HDAC9: variants seen among roughly 807,000 people sequenced by gnomAD.
HDAC9 encodes the protein histone deacetylase 9.
In HDAC9, 41 loss-of-function variants were observed where a neutral mutation model predicts 139.4. The observed-to-expected ratio is 0.29, with a 90% CI of 0.23 to 0.38. The LOEUF (loss-of-function observed/expected upper bound fraction) is 0.38, where lower values mean the gene tolerates loss of function less well. Ranked by LOEUF, HDAC9 falls within the 10% of genes least tolerant of loss-of-function variation. The probability of loss-of-function intolerance (pLI) is 1.00; values close to 1 mark genes in which losing one functional copy is unlikely to be tolerated. For missense variants in HDAC9, 1,147 were observed against 1,297.0 expected (o/e 0.88, Z 1.78); for synonymous variants, 517 against 476.2 (o/e 1.09, Z -1.12).
chr7:18,310,053 G>A (rs1160632194), intron 1 of HDAC9, among the ~76,000 whole-genome samples: 5 of 151,298 alleles, frequency 3.3e-5, no homozygotes, highest in South Asian at 2.1e-4. Context: ...TTTTTAACTC[G>A]TGTTCCTGAT....
At chr7:18,276,414 G>T (rs1446656676) in intron 2 of HDAC9, among the ~76,000 whole-genome samples, 1 of 152,208 alleles carries the variant, frequency 6.6e-6, no homozygotes, top group East Asian at 1.9e-4. Flanking sequence ...AAATACTTCA[G>T]AATGTCTTGC....
chr7:18,545,933 T>A (rs1033831933), intron 2 of HDAC9, among the ~76,000 whole-genome samples: 3 of 152,212 alleles, frequency 2.0e-5, no homozygotes, highest in Non-Finnish European at 4.4e-5. Flanking sequence ...CCTGTGAATC[T>A]CTAGACTAAA....
At chr7:18,447,456 T>C (rs1792399247) in intron 1 of HDAC9, among the ~76,000 whole-genome samples, 1 of 152,208 alleles carries the variant, frequency 6.6e-6, no homozygotes, top group East Asian at 1.9e-4. Context: ...CTAGTTTTAT[T>C]ATATTGTTGT....
At chr7:18,954,451 T>A (rs2129324634) in intron 24 of HDAC9, 2 of 444,438 alleles carry the variant, frequency 4.5e-6, no homozygotes, top group East Asian at 4.1e-5. Context: ...TTCTCATGTA[T>A]TTCAGGTATT....
At chr7:18,589,787 T>C (rs537224433) in intron 3 of HDAC9, among the ~76,000 whole-genome samples, 1 of 152,338 alleles carries the variant, frequency 6.6e-6, no homozygotes, top group East Asian at 1.9e-4. Context: ...ATTATGAATA[T>C]ATACATTGCA....
At chr7:18,656,576 C>G (rs926341750) in intron 11 of HDAC9, among the ~76,000 whole-genome samples, 5 of 152,164 alleles carry the variant, frequency 3.3e-5, no homozygotes, top group East Asian at 1.9e-4. Context: ...GATATTCAAC[C>G]TTTTTGTTTA....
chr7:18,179,036 A>G (rs934859949), intron 2 of HDAC9, among the ~76,000 whole-genome samples: 6 of 152,198 alleles, frequency 3.9e-5, no homozygotes, highest in Non-Finnish European at 8.8e-5. Context: ...TTTAATGGAG[A>G]ACAAGATCTC....
chr7:18,601,157 T>C (rs998124567), intron 6 of HDAC9, among the ~76,000 whole-genome samples: 1 of 152,196 alleles, frequency 6.6e-6, no homozygotes, highest in African/African-American at 2.4e-5. Context: ...TTCATCAAAG[T>C]TTTCTAGTTT....
intron 13 of HDAC9, among the ~76,000 whole-genome samples, chr7:18,729,044 T>C (rs1342115333): frequency 6.6e-6 from 1 of 152,144 alleles, no homozygotes; most frequent in Non-Finnish European, 1.5e-5. Context: ...TGGCAGCCTT[T>C]TGAATCAATC....
intron 7 of HDAC9, among the ~76,000 whole-genome samples, chr7:18,632,164 T>C (rs560154462): frequency 4.9e-4 from 75 of 152,104 alleles, no homozygotes; most frequent in South Asian, 1.0e-3. Context: ...AATTTTTAAA[T>C]TCTACATTTC....
chr7:18,914,133 A>G (rs549830205), intron 22 of HDAC9, among the ~76,000 whole-genome samples: 1 of 151,710 alleles, frequency 6.6e-6, no homozygotes, highest in South Asian at 2.1e-4. Context: ...CTCTCACACC[A>G]TGTGAGGACG....
chr7:18,261,396 A>G (rs932691112), intron 2 of HDAC9, among the ~76,000 whole-genome samples: 38 of 152,186 alleles, frequency 2.5e-4, no homozygotes, highest in Admixed American at 2.6e-4. Flanking sequence ...CTGTGAATCC[A>G]GTACTGCAAC....
intron 1 of HDAC9, among the ~76,000 whole-genome samples, chr7:18,375,496 CAA>C (rs1784926219): frequency 6.7e-6 from 1 of 149,798 alleles, no homozygotes; most frequent in Non-Finnish European, 1.5e-5. Flanking sequence ...AAAAAAAAAA[CAA>C]AAGAGAATTT....
Position 18,352,368 on chromosome 7 carries a change from G to A in HDAC9, c.-42+61853G>A, listed in dbSNP as rs117145369. Among the ~76,000 whole-genome samples, 10 of 152,290 alleles carry A rather than the reference G, an allele frequency of 6.6e-5. No homozygotes were observed. The East Asian group carries it at 1.9e-3, about 29-fold the overall frequency. ...TCTGCTTAGAGGGAAACAGTAGGTT[G>A]CCACTGATTTTTAGTCCTGTGTTTT... On this transcript the variant is annotated intron_variant, in intron 1 of 3. Coordinates refer to the HDAC9 transcript ENST00000413509.
intron 21 of HDAC9, among the ~76,000 whole-genome samples, chr7:18,847,536 C>A (rs1323503242): frequency 2.6e-5 from 4 of 152,146 alleles, no homozygotes; most frequent in African/African-American, 9.7e-5. Context: ...AGGAACCCTC[C>A]TGTGGTGTGA....
intron 11 of HDAC9, among the ~76,000 whole-genome samples, chr7:18,661,508 T>C (rs1793124374): frequency 6.6e-6 from 1 of 152,110 alleles, no homozygotes; most frequent in South Asian, 2.1e-4. Context: ...TAGAATGGTA[T>C]AAAAAGTTCT....
At chr7:18,136,426 T>C (rs937163602) in intron 1 of HDAC9, among the ~76,000 whole-genome samples, 14 of 151,974 alleles carry the variant, frequency 9.2e-5, no homozygotes, top group Admixed American at 7.2e-4. Context: ...CTAGGGTTTT[T>C]ATGGTTTTAG....
At chr7:18,771,634 G>T (rs953864768) in intron 16 of HDAC9, among the ~76,000 whole-genome samples, 1 of 151,830 alleles carries the variant, frequency 6.6e-6, no homozygotes, top group Non-Finnish European at 1.5e-5. Flanking sequence ...CACCACATGT[G>T]TATCTTCATA....
At position 18,551,874 on chromosome 7, in the gene HDAC9, C is replaced by A. The variant is rs535247021; in HGVS notation, c.23-33407C>A. 2.6e-5 allele frequency among the ~76,000 whole-genome samples: 4 copies of A among 152,290 alleles called. No individual in the cohort carries two copies. The East Asian group carries it at 7.7e-4, about 29-fold the overall frequency. On this transcript the variant is annotated intron_variant, in intron 2 of 25. Transcript: ENST00000686413. ...TATTTACAGCAGAAGGTAACCACTA[C>A]ACTTATTCTAGGAGGCTGGATTGAA...
Sources: allele counts gnomAD v4.1 joint callset (sites outside exome capture counted in the v4.1 genomes callset), GRCh38; gene constraint gnomAD v4.1.1; transcripts MANE v1.5; gene names NCBI Gene and HGNC (gene_info 2026-07-23, HGNC 2026-07-21).